Variants in CTNND1 observed in about 807,000 individuals in gnomAD.
CTNND1 encodes catenin delta 1, also known as catenin delta-1.
CTNND1 carries 16 observed loss-of-function variants against 112.1 expected under a neutral mutation model. That is an observed-to-expected ratio of 0.14 (90% confidence interval 0.10 to 0.22). CTNND1 has a LOEUF of 0.22. Ranked by LOEUF, CTNND1 falls within the 10% of genes least tolerant of loss-of-function variation. The probability of loss-of-function intolerance (pLI) is 1.00; values close to 1 mark genes in which losing one functional copy is unlikely to be tolerated. For missense variants in CTNND1, 1,008 were observed against 1,257.0 expected (o/e 0.80, Z 3.00); for synonymous variants, 420 against 446.5 (o/e 0.94, Z 0.75).
chr11:57,766,928 C>T (rs907378713), intron 1 of CTNND1, among the ~76,000 whole-genome samples: 4 of 151,460 alleles, frequency 2.6e-5, no homozygotes, highest in Non-Finnish European at 1.5e-5. Flanking sequence ...CAATTTAGAT[C>T]AGGCATATAG....
In CTNND1 at chr11:57,788,994, T is replaced by G; in HGVS notation, c.-213-43T>G. ...TTGTTTTTATGTATTGGGTATATTT[T>G]ATTTTCCTCTCATTCCCATTTTTCC... On this transcript the variant is annotated intron_variant, in intron 1 of 20. Transcript: ENST00000399050. The surrounding 1 kb of genome is among the most constrained non-coding windows in gnomAD (Gnocchi z 4.1). 1 of 1,361,488 alleles carries G rather than the reference T, an allele frequency of 7.3e-7. No homozygotes were observed. Among genetic ancestry groups the G allele is most frequent in the South Asian group, 1.2e-5 (1 of 80,526 alleles). The allele number at this position is 1,361,488 out of a possible 1,614,324, so 84.3% of individuals were successfully genotyped here. A position where few individuals can be genotyped will look rare whatever the true frequency, so the allele number is the denominator to read the frequency against.
chr11:57,801,799 G>A lies in CTNND1; in HGVS notation c.1023G>A (p.Gln341=), dbSNP rs1480673239. The change falls in exon 7 of 21, where the codon CAG becomes CAA. Residue 341 remains glutamine, a synonymous_variant. Coordinates refer to ENST00000399050, the MANE Select transcript of CTNND1 (RefSeq NM_001085458.2). ...SDQYYWAPLA[Q]HERGSLASLD... ...AATACTACTGGGCTCCTTTGGCCCAGCATGAGCGAGGAAGTTTAGCAAGCT... is the reference window on the plus strand; with the variant it reads ...AATACTACTGGGCTCCTTTGGCCCAACATGAGCGAGGAAGTTTAGCAAGCT... The A allele has an allele frequency of 6.2e-7, 1 of 1,613,900 alleles. No individual in the cohort carries two copies. The highest frequency in any genetic ancestry group is 8.5e-7 in the Non-Finnish European group (1 of 1,179,898).
At chr11:57,815,188 A>G (rs1250813411) in intron 18 of CTNND1, among the ~76,000 whole-genome samples, 1 of 152,162 alleles carries the variant, frequency 6.6e-6, no homozygotes, top group African/African-American at 2.4e-5. Flanking sequence ...TCAGCTTCCC[A>G]AAGTGCTGGG....
rs1363187269 is a variant in CTNND1, at chr11:57,810,136, A to G, written c.2463A>G (p.Ala821=). ...SGNRSEKEVR[A]AALVLQTIWG... ...ACCGCTCAGAAAAAGAAGTTCGAGC[A>G]GCAGCACTTGTATTACAGACAATCT... The change falls in exon 16 of 21, where the codon GCA becomes GCG. Residue 821 remains alanine (A), a synonymous_variant. Coordinates refer to ENST00000399050, the MANE Select transcript of CTNND1 (RefSeq NM_001085458.2). 3 of 1,612,100 alleles carry G rather than the reference A, an allele frequency of 1.9e-6. No individual in the cohort carries two copies.
intron 1 of CTNND1, among the ~76,000 whole-genome samples, chr11:57,774,940 T>A (rs1953772086): frequency 6.6e-6 from 1 of 151,930 alleles, no homozygotes; most frequent in African/African-American, 2.4e-5. Context: ...CTCAAACTCC[T>A]GACCTCAGGT....
intron 6 of CTNND1, among the ~76,000 whole-genome samples, chr11:57,798,114 C>T (rs377648837): frequency 2.6e-5 from 4 of 151,930 alleles, no homozygotes; most frequent in South Asian, 4.2e-4. Context: ...TTTGGGAGGC[C>T]GAGTTGGGCG....
In CTNND1 at chr11:57,812,793, C is replaced by G. The variant is rs558008562; in HGVS notation, c.2638+1307C>G. Among the ~76,000 whole-genome samples the G allele has an allele frequency of 2.0e-5, 3 of 152,224 alleles. No individual in the cohort carries two copies. In the South Asian group the frequency reaches 6.2e-4, roughly 32 times the overall value. On this transcript the variant is annotated intron_variant, in intron 17 of 20. Transcript: ENST00000399050. ...GGCCAAGTGTTAGGATTACATCCGG[C>G]GCTCAGCCACACTAGCCACTTTGTT...
intron 14 of CTNND1, 106 bp downstream of exon 14, chr11:57,808,646 A>C: frequency 1.8e-6 from 2 of 1,108,468 alleles, no homozygotes; most frequent in South Asian, 2.6e-5. Context: ...GAAGGGAAGG[A>C]CCCTCCCCCG....
intron 15 of CTNND1, 26 bp downstream of exon 15, chr11:57,809,492 T>C: frequency 6.3e-7 from 1 of 1,579,798 alleles, no homozygotes; most frequent in South Asian, 1.2e-5. Context: ...AAAATTACAG[T>C]CAAAAGAATT....
intron 7 of CTNND1, 105 bp from the exon 8 acceptor site, chr11:57,803,516 A>G: frequency 5.0e-6 from 4 of 798,036 alleles, no homozygotes; most frequent in African/African-American, 1.8e-5. Flanking sequence ...GTATTTGGTC[A>G]CTGGGGAAGA....
rs534181698 is a variant in CTNND1 at position 57,816,502 on chromosome 11, G to A, written c.*194G>A. ...TCCTGTGAAGTTTAATTGTCTCAAC[G>A]CCTCCCCCTCCCCCATTCCCTCCAT... On this transcript the variant is annotated 3_prime_UTR_variant, in exon 21 of 21. Transcript: ENST00000399050. The A allele has an allele frequency of 1.1e-5, 7 of 629,240 alleles. No homozygotes were observed. Among genetic ancestry groups the A allele is most frequent in the South Asian group, 8.0e-5 (4 of 50,150 alleles). 39.0% of individuals were successfully genotyped at this position (629,240 alleles called of 1,614,324 possible).
chr11:57,797,502 A>G (rs1238310202), intron 6 of CTNND1, among the ~76,000 whole-genome samples: 1 of 138,894 alleles, frequency 7.2e-6, no homozygotes, highest in Non-Finnish European at 1.5e-5. Context: ...AAGTGCTGGG[A>G]TTACAGGCGT....
intron 3 of CTNND1, 53 bp downstream of exon 3, chr11:57,791,726 G>A: frequency 6.8e-7 from 1 of 1,473,650 alleles, no homozygotes; most frequent in Non-Finnish European, 9.0e-7. Flanking sequence ...TGGTCACAGA[G>A]AGGCTATGAT....
Position 57,805,361 on chromosome 11 carries a change from C to T in CTNND1, c.1723-521C>T, listed in dbSNP as rs1343759455. 2.6e-5 allele frequency among the ~76,000 whole-genome samples: 4 copies of T among 152,076 alleles called. No individual in the cohort carries two copies. The East Asian group carries it at 5.8e-4, about 22-fold the overall frequency. Reference sequence around the variant, plus strand: ...CCTGGGTTCAAGCAATTCTCTGCCTCATCTCCTGAGTAGCTGGGATTACAG... The same window carrying T: ...CCTGGGTTCAAGCAATTCTCTGCCTTATCTCCTGAGTAGCTGGGATTACAG... On this transcript the variant is annotated intron_variant, in intron 9 of 20. Transcript: ENST00000399050.
intron 18 of CTNND1, 66 bp downstream of exon 18, chr11:57,814,439 C>A: frequency 7.9e-7 from 1 of 1,273,782 alleles, no homozygotes; most frequent in Non-Finnish European, 1.1e-6. Context: ...AGCTGTCTAG[C>A]TCTATAGTTT....
At chr11:57,770,149 G>C (rs767408182) in intron 1 of CTNND1, among the ~76,000 whole-genome samples, 12 of 151,944 alleles carry the variant, frequency 7.9e-5, no homozygotes, top group Non-Finnish European at 1.8e-4. Context: ...GGCCAAAATG[G>C]TGAAACCCTG....
At position 57,810,101 on chromosome 11, in the gene CTNND1, C is replaced by T. The variant is rs773207227; in HGVS notation, c.2436-8C>T. The stretch of plus-strand genomic sequence containing the variant: ...CCAAATTCCGTATGGTGTTACTTTC[C>T]TCCAAAGGAACCGCTCAGAAAAAGA... On this transcript the variant is annotated splice_region_variant and splice_polypyrimidine_tract_variant and intron_variant, in intron 15 of 20. Coordinates refer to ENST00000399050, the MANE Select transcript of CTNND1 (RefSeq NM_001085458.2). The T allele has an allele frequency of 6.2e-7, 1 of 1,602,156 alleles. No individual in the cohort carries two copies. The highest frequency in any genetic ancestry group is 1.1e-5 in the South Asian group (1 of 89,280).
intron 3 of CTNND1, among the ~76,000 whole-genome samples, chr11:57,792,888 A>C (rs1225888257): frequency 1.3e-5 from 2 of 149,258 alleles, no homozygotes; most frequent in East Asian, 3.9e-4. Context: ...GGAGCCTTGC[A>C]GTTGAGAGAG....
At chr11:57,810,543 T>A (rs1051071135) in intron 16 of CTNND1, among the ~76,000 whole-genome samples, 2 of 152,046 alleles carry the variant, frequency 1.3e-5, no homozygotes. Context: ...TTGGCCAGGT[T>A]AATCTTGAAC....
Sources: gnomAD v4.1 joint callset for allele counts (sites outside exome capture counted in the v4.1 genomes callset) on GRCh38, gnomAD v4.1.1 for gene constraint, Gnocchi (gnomAD v3.1) non-coding constraint, MANE v1.5 for transcripts, NCBI Gene and HGNC (gene_info 2026-07-23, HGNC 2026-07-21) for gene names.